The following TACC2 variants were observed in gnomAD, a reference collection of about 807,000 sequenced individuals.
TACC2 encodes transforming acidic coiled-coil-containing protein 2.
TACC2 carries 137 observed loss-of-function variants against 227.3 expected under a neutral mutation model. That is an observed-to-expected ratio of 0.60 (90% CI 0.52 to 0.69). The LOEUF (loss-of-function observed/expected upper bound fraction) is 0.69, where lower values mean the gene tolerates loss of function less well. Ranked by LOEUF, TACC2 falls within the 30% of genes least tolerant of loss-of-function variation. The probability of loss-of-function intolerance (pLI) is 0.00; values close to 1 mark genes in which losing one functional copy is unlikely to be tolerated. For missense variants in TACC2, 3,470 were observed against 3,694.4 expected (o/e 0.94, Z 1.57); for synonymous variants, 1,523 against 1,487.5 (o/e 1.02, Z -0.55).
rs755283163 is a variant in TACC2, at chr10:122,210,993, G to A, written c.6568G>A (p.Glu2190Lys). 1 of 1,613,134 alleles carries A rather than the reference G, an allele frequency of 6.2e-7. No individual in the cohort carries two copies. Among genetic ancestry groups the A allele is most frequent in the Non-Finnish European group, 8.5e-7 (1 of 1,179,722 alleles). Residue 2190 changes from glutamate (E) to lysine (K), a missense_variant, in exon 9 of 23, where the codon GAG (glutamate) becomes AAG (lysine). Around this residue, in one of 10 missense-constraint regions of TACC2, gnomAD observed 593 missense variants for 636.6 expected, o/e 0.93. Coordinates refer to ENST00000369005, the MANE Select transcript of TACC2 (RefSeq NM_206862.4). This position sits in a 1 kb window ranked among gnomAD's most constrained non-coding sequence, Gnocchi z 4.6. ...TEGPSPALLE[E>K]TPLEPAVGPK... ...AGGTCCTAGCCCAGCCTTATTGGAG[G>A]AGACGCCCCTTGAGCCCGCTGTGGG...
chr10:122,249,453 C>G, intron 21 of TACC2, 91 bp from the exon 22 acceptor site: 1 of 1,543,316 alleles, frequency 6.5e-7, no homozygotes, highest in Non-Finnish European at 8.8e-7. Context: ...GGGGCCAGAC[C>G]AGGCCACTCT....
chr10:122,083,933 AG>A lies in TACC2; in HGVS notation c.1436del (p.Gly479GlufsTer23). The A allele has an allele frequency of 6.2e-7, 1 of 1,614,072 alleles. No individual in the cohort carries two copies. Among genetic ancestry groups the A allele is most frequent in the Non-Finnish European group, 8.5e-7 (1 of 1,180,004 alleles). On this transcript the variant is annotated frameshift_variant, in exon 4 of 23. Coordinates refer to ENST00000369005, the MANE Select transcript of TACC2 (RefSeq NM_206862.4). LOFTEE classifies it high-confidence loss of function. ...LERQVSDLGSKGEHPEGDPGE... is the reference protein window; with the variant it reads ...LERQVSDLGSXGEHPEGDPGE... ...AGGCAGGTGTCAGATCTTGGAAGCAAGGGAGAGCATCCAGAAGGGGACCCTG... is the reference window on the plus strand; with the variant it reads ...AGGCAGGTGTCAGATCTTGGAAGCAAGGAGAGCATCCAGAAGGGGACCCTG...
chr10:122,085,822 G>A lies in TACC2; in HGVS notation c.3322G>A (p.Ala1108Thr), dbSNP rs374246191. The change falls in exon 4 of 23, where the codon GCA (alanine) becomes ACA (threonine). Residue 1108 changes from alanine to threonine, a missense_variant. Ala to Thr is a moderately conservative substitution (Grantham distance 58, BLOSUM62 0). This residue lies in a region of TACC2 where 1,924 missense variants were observed against 1,978.3 expected (regional missense o/e 0.97). Coordinates refer to ENST00000369005, the MANE Select transcript of TACC2 (RefSeq NM_206862.4). ...QKMECWATSDAESPKLLASFP... is the reference protein window; with the variant it reads ...QKMECWATSDTESPKLLASFP... ...AATGGAGTGCTGGGCCACTTCGGAT[G>A]CAGAGTCCCCAAAGCTTCTTGCAAG... 5.0e-6 allele frequency: 8 copies of A among 1,613,052 alleles called. No homozygotes were observed. The highest frequency in any genetic ancestry group is 5.1e-6 in the Non-Finnish European group (6 of 1,179,390).
At chr10:122,163,063 G>A (rs148072663) in intron 7 of TACC2, among the ~76,000 whole-genome samples, 75 of 152,176 alleles carry the variant, frequency 4.9e-4, no homozygotes, top group Non-Finnish European at 1.0e-3. Context: ...AAAGGTCCTT[G>A]GAGGCTAGCC....
chr10:122,058,877 C>T (rs892719265), intron 3 of TACC2, among the ~76,000 whole-genome samples: 1 of 144,888 alleles, frequency 6.9e-6, no homozygotes, highest in Admixed American at 7.3e-5. Flanking sequence ...AGCCACTGAG[C>T]CCAGCCCCCT....
rs1280109882 is a variant in TACC2, at chr10:122,205,093, C to A, written c.5972-5304C>A. Among the ~76,000 whole-genome samples the A allele has an allele frequency of 6.6e-6, 1 of 152,216 alleles. No individual in the cohort carries two copies. Among genetic ancestry groups the A allele is most frequent in the African/African-American group, 2.4e-5 (1 of 41,450 alleles). ...GGTTTATGTAAAGACACTTTAATTT[C>A]TTCATCACTAAGTGAGTTAGCACGG... is the stretch of plus-strand genomic sequence containing the variant. On this transcript the variant is annotated intron_variant, in intron 8 of 22. Coordinates refer to ENST00000369005, the MANE Select transcript of TACC2 (RefSeq NM_206862.4). This position sits in a 1 kb window ranked among gnomAD's most constrained non-coding sequence, Gnocchi z 4.5.
At chr10:122,148,004 TC>T (rs2091601185) in intron 7 of TACC2, among the ~76,000 whole-genome samples, 1 of 152,228 alleles carries the variant, frequency 6.6e-6, no homozygotes, top group Non-Finnish European at 1.5e-5. Flanking sequence ...TTGGATGAGT[TC>T]CTGGAGGTTT....
intron 5 of TACC2, among the ~76,000 whole-genome samples, chr10:122,104,545 A>G (rs930439225): frequency 6.6e-6 from 1 of 151,814 alleles, no homozygotes; most frequent in Non-Finnish European, 1.5e-5. Flanking sequence ...ATTTTTTTGT[A>G]TCTTTAGTAG....
intron 17 of TACC2, 95 bp from the exon 18 acceptor site, chr10:122,237,866 A>G: frequency 1.1e-6 from 1 of 923,522 alleles, no homozygotes; most frequent in Non-Finnish European, 1.7e-6. Context: ...TTCATTCCAC[A>G]TTTATTCACC....
intron 7 of TACC2, among the ~76,000 whole-genome samples, chr10:122,154,063 G>C (rs11200437): frequency 6.6e-6 from 1 of 152,218 alleles, no homozygotes; most frequent in African/African-American, 2.4e-5. Context: ...GGAAGGGCTC[G>C]TCCTAGGGAG....
intron 5 of TACC2, among the ~76,000 whole-genome samples, chr10:122,114,862 G>A (rs571660142): frequency 2.0e-5 from 3 of 152,296 alleles, no homozygotes; most frequent in South Asian, 4.1e-4. Flanking sequence ...CGTTCCAGCC[G>A]TCCTCTTTTC....
At chr10:122,171,055 T>C (rs2093448958) in intron 7 of TACC2, among the ~76,000 whole-genome samples, 1 of 45,996 alleles carries the variant, frequency 2.2e-5, no homozygotes, top group Non-Finnish European at 3.9e-5. Flanking sequence ...TAGATTTCCT[T>C]TGTTCCTGCA....
At chr10:122,135,319 G>A (rs2089385198) in intron 6 of TACC2, among the ~76,000 whole-genome samples, 1 of 152,196 alleles carries the variant, frequency 6.6e-6, no homozygotes, top group Non-Finnish European at 1.5e-5. Flanking sequence ...TAATGCAGCT[G>A]TGTTACCTAC....
intron 5 of TACC2, among the ~76,000 whole-genome samples, chr10:122,099,238 C>A (rs1382592625): frequency 2.0e-5 from 3 of 152,212 alleles, no homozygotes; most frequent in Admixed American, 6.5e-5. Context: ...GACGAAGCAG[C>A]TGGTATTGAA....
At chr10:122,017,579 G>A (rs1956817300) in intron 1 of TACC2, among the ~76,000 whole-genome samples, 1 of 152,108 alleles carries the variant, frequency 6.6e-6, no homozygotes. Context: ...CACTTTGGGA[G>A]GCTGAGGCAG....
chr10:122,136,545 G>GTATATATATATA (rs34534253), intron 6 of TACC2, among the ~76,000 whole-genome samples: 4 of 54,990 alleles, frequency 7.3e-5, no homozygotes, highest in East Asian at 5.6e-4. Context: ...GTGTGTGTGT[G>GTATATATATATA]TATATATATA....
At position 122,077,222 on chromosome 10, in the gene TACC2, G is replaced by GTCCATCCTTCTAGCCA. The variant is rs1241792025; in HGVS notation, c.147-5416_147-5401dup. On this transcript the variant is annotated intron_variant, in intron 3 of 22. Transcript: ENST00000369005. ...CCTTGATTTGGGTTCAGTTGTTTCT[G>GTCCATCCTTCTAGCCA]TCCATCCTTCTAGCCATCCATCCTG... is the stretch of plus-strand genomic sequence containing the variant. Among the ~76,000 whole-genome samples, 10 of 151,598 alleles carry GTCCATCCTTCTAGCCA rather than the reference G, an allele frequency of 6.6e-5. No individual in the cohort carries two copies. In the South Asian group the frequency reaches 1.0e-3, roughly 16 times the overall value.
At chr10:122,222,878 C>T (rs142485190) in intron 11 of TACC2, among the ~76,000 whole-genome samples, 2 of 152,250 alleles carry the variant, frequency 1.3e-5, no homozygotes, top group Admixed American at 6.5e-5. Flanking sequence ...GTAATGATAC[C>T]TTAGAAGAGG....
chr10:122,132,797 C>T, intron 6 of TACC2, 63 bp downstream of exon 6: 1 of 1,568,162 alleles, frequency 6.4e-7, no homozygotes, highest in Non-Finnish European at 8.7e-7. Flanking sequence ...GGCTGCCTTC[C>T]CCCGCTCCCC....
Sources: allele counts gnomAD v4.1 joint callset (sites outside exome capture counted in the v4.1 genomes callset), GRCh38; gene constraint gnomAD v4.1.1; regional missense constraint gnomAD v4.1.1; non-coding constraint Gnocchi (gnomAD v3.1); transcripts MANE v1.5; gene names NCBI Gene and HGNC (gene_info 2026-07-23, HGNC 2026-07-21).